Variants in LPAR1 observed in about 807,000 individuals in gnomAD.
The protein encoded by LPAR1 is lysophosphatidic acid receptor 1, also known as LPA receptor 1.
A neutral mutation model predicts 23.8 loss-of-function variants in LPAR1; 5 were observed. That is an observed-to-expected ratio of 0.21 (90% CI 0.11 to 0.44). LPAR1 has a LOEUF of 0.44. Among genes scored for constraint, LPAR1 ranks in the 20% least tolerant of loss-of-function variants. The probability of loss-of-function intolerance (pLI) is 0.99; values close to 1 mark genes in which losing one functional copy is unlikely to be tolerated. For synonymous variants in LPAR1, 160 were observed against 164.7 expected, an observed-to-expected ratio of 0.97 and a Z score of 0.22; for missense variants, 311 against 482.8, an observed-to-expected ratio of 0.64 and a Z score of 3.33.
intron 2 of LPAR1, among the ~76,000 whole-genome samples, chr9:111,031,931 G>A (rs1228675491): frequency 2.6e-5 from 4 of 152,148 alleles, no homozygotes; most frequent in Non-Finnish European, 2.9e-5. Context: ...AGAATAACAA[G>A]ATACATATGC....
At chr9:110,946,793 A>G (rs1339739829) in intron 4 of LPAR1, among the ~76,000 whole-genome samples, 4 of 152,164 alleles carry the variant, frequency 2.6e-5, no homozygotes, top group Non-Finnish European at 4.4e-5. Context: ...GCAAATATCA[A>G]AAATAATTAT....
At chr9:110,907,217 G>A (rs1489709321) in intron 5 of LPAR1, among the ~76,000 whole-genome samples, 2 of 151,906 alleles carry the variant, frequency 1.3e-5, no homozygotes, top group Non-Finnish European at 2.9e-5. Flanking sequence ...TATTCTGTCC[G>A]GCAAAAAATC....
At chr9:111,001,752 C>T (rs1251794073) in intron 2 of LPAR1, among the ~76,000 whole-genome samples, 1 of 151,918 alleles carries the variant, frequency 6.6e-6, no homozygotes, top group Non-Finnish European at 1.5e-5. Flanking sequence ...TGAAATAATA[C>T]AGAAACAAGA....
chr9:110,897,039 G>A (rs534790644), intron 5 of LPAR1, among the ~76,000 whole-genome samples: 16 of 152,048 alleles, frequency 1.1e-4, no homozygotes, highest in Middle Eastern at 3.4e-3. Flanking sequence ...TGCCCACCTC[G>A]GCCTCCCAAA....
chr9:110,932,233 T>C (rs1382175767), intron 5 of LPAR1, among the ~76,000 whole-genome samples: 1 of 152,094 alleles, frequency 6.6e-6, no homozygotes, highest in Non-Finnish European at 1.5e-5. Flanking sequence ...ATATCTAGAG[T>C]GCCAGGACCT....
At chr9:111,038,726 G>A (rs2097947830), upstream of LPAR1, 1 of 445,910 alleles carries the variant, frequency 2.2e-6, no homozygotes, top group South Asian at 1.6e-5. The surrounding 1 kb of genome is among the most constrained non-coding windows in gnomAD (Gnocchi z 4.4). Flanking sequence ...CCACGGTGGT[G>A]GCAGGGCCGG....
At chr9:111,026,394 C>G (rs1436593341) in intron 2 of LPAR1, among the ~76,000 whole-genome samples, 1 of 152,192 alleles carries the variant, frequency 6.6e-6, no homozygotes, top group Non-Finnish European at 1.5e-5. Flanking sequence ...TGAGGCTTTG[C>G]TGAAGTTGCT....
Position 110,944,546 on chromosome 9 carries a change from G to A in LPAR1, c.46-2378C>T, listed in dbSNP as rs548841124. 7.9e-5 allele frequency among the ~76,000 whole-genome samples: 12 copies of A among 152,072 alleles called. No homozygotes were observed. The East Asian group carries it at 1.2e-3, about 15-fold the overall frequency. ...GAAATGTTTAAACCAAATATCAAGCGTATATTATTTCCCAGCATTCCAACT... is the reference window on the plus strand; with the variant it reads ...GAAATGTTTAAACCAAATATCAAGCATATATTATTTCCCAGCATTCCAACT... On this transcript the variant is annotated intron_variant, in intron 4 of 5. Transcript: ENST00000683809.
chr9:110,982,861 TACACACACAC>T (rs55748505), intron 2 of LPAR1, among the ~76,000 whole-genome samples: 166 of 140,092 alleles, frequency 1.2e-3, no homozygotes, highest in Non-Finnish European at 2.1e-3. Context: ...TATATACACA[TACACACACAC>T]ACACACACAC....
chr9:110,884,921 T>G (rs1024737099), intron 5 of LPAR1, among the ~76,000 whole-genome samples: 2 of 152,220 alleles, frequency 1.3e-5, no homozygotes, highest in Admixed American at 1.3e-4. Flanking sequence ...TTTAACACTT[T>G]ACTTTTTATT....
At chr9:110,899,514 T>C (rs964131310) in intron 5 of LPAR1, among the ~76,000 whole-genome samples, 9 of 152,118 alleles carry the variant, frequency 5.9e-5, no homozygotes, top group Non-Finnish European at 1.3e-4. Context: ...CGTAGCTAAA[T>C]GGGAACCGTA....
rs560214328 is a variant in LPAR1 at position 110,942,285 on chromosome 9, T to C, written c.46-117A>G. 113 of 818,130 alleles carry C rather than the reference T, an allele frequency of 1.4e-4. No homozygotes were observed. The East Asian group carries it at 2.7e-3, about 19-fold the overall frequency. 50.7% of individuals were successfully genotyped at this position (818,130 alleles called of 1,614,324 possible). A position where few individuals can be genotyped will look rare whatever the true frequency, so the allele number is the denominator to read the frequency against. On this transcript the variant is annotated intron_variant, in intron 4 of 5. Coordinates refer to ENST00000683809, the MANE Select transcript of LPAR1 (RefSeq NM_001351411.2). ...CAACAGAAAAACAAAAGCAAATAATTTGAACATTTGATCCTGCATACCATC... is the reference window on the plus strand; with the variant it reads ...CAACAGAAAAACAAAAGCAAATAATCTGAACATTTGATCCTGCATACCATC...
chr9:111,028,321 G>A (rs753157489), intron 2 of LPAR1, among the ~76,000 whole-genome samples: 28 of 152,008 alleles, frequency 1.8e-4, no homozygotes, highest in Non-Finnish European at 3.2e-4. Flanking sequence ...GACCTCAAGT[G>A]ATCTGCCCAC....
At chr9:110,961,438 T>A (rs2095977536) in intron 4 of LPAR1, among the ~76,000 whole-genome samples, 1 of 151,402 alleles carries the variant, frequency 6.6e-6, no homozygotes, top group South Asian at 2.1e-4. Flanking sequence ...CTGGCCAACA[T>A]GGTGAAATCC....
At chr9:111,017,362 G>C (rs35288800) in intron 2 of LPAR1, among the ~76,000 whole-genome samples, 24,235 of 152,110 alleles carry the variant, frequency 0.16, 2,239 homozygotes, top group African/African-American at 0.26. Context: ...TCGAGTCTGA[G>C]TTTTTTGAAG....
intron 5 of LPAR1, among the ~76,000 whole-genome samples, chr9:110,904,540 C>T (rs2090558129): frequency 6.6e-6 from 1 of 152,154 alleles, no homozygotes; most frequent in South Asian, 2.1e-4. Context: ...TCCTCAATAT[C>T]TATTTGGGAT....
At position 110,941,998 on chromosome 9, in the gene LPAR1, C is replaced by T. The variant is rs1269735748; in HGVS notation, c.216G>A (p.Val72=). ...FIMLANLLVM[V]AIYVNRRFHF... ...GGAAGCGGCGGTTGACATAGATTGCCACCATGACCAATAGGTTGGCCAACA... is the reference window on the plus strand; with the variant it reads ...GGAAGCGGCGGTTGACATAGATTGCTACCATGACCAATAGGTTGGCCAACA... The change falls in exon 5 of 6, where the codon GTG becomes GTA. Residue 72 remains valine, a synonymous_variant. Transcript: ENST00000683809. The surrounding 1 kb of genome is among the most constrained non-coding windows in gnomAD (Gnocchi z 6.1). 6.2e-7 allele frequency: 1 copy of T among 1,614,142 alleles called. No homozygotes were observed. The highest frequency in any genetic ancestry group is 1.1e-5 in the South Asian group (1 of 91,072).
At chr9:110,934,373 T>G (rs1339526760) in intron 5 of LPAR1, 1 of 152,024 alleles carries the variant, frequency 6.6e-6, no homozygotes, top group Non-Finnish European at 1.5e-5. Context: ...TGGGGGATAG[T>G]GCATCTAAAA....
chr9:110,910,435 C>T (rs1365909998), intron 5 of LPAR1, among the ~76,000 whole-genome samples: 4 of 152,154 alleles, frequency 2.6e-5, no homozygotes, highest in Non-Finnish European at 5.9e-5. Flanking sequence ...TGACAATGTA[C>T]CTAGTCGCCT....
Sources: allele counts gnomAD v4.1 joint callset (sites outside exome capture counted in the v4.1 genomes callset), GRCh38; gene constraint gnomAD v4.1.1; non-coding constraint Gnocchi (gnomAD v3.1); transcripts MANE v1.5; gene names NCBI Gene and HGNC (gene_info 2026-07-23, HGNC 2026-07-21).